The following PCSK4 variants were observed in gnomAD, a reference collection of about 807,000 sequenced individuals.
The protein encoded by PCSK4 is testicular tissue protein Li 135.
Under a neutral mutation model 80.3 loss-of-function variants are expected in PCSK4, and 64 were observed. That is an observed-to-expected ratio of 0.80 (90% confidence interval 0.65 to 0.98). The LOEUF (loss-of-function observed/expected upper bound fraction) is 0.98, where lower values mean the gene tolerates loss of function less well. Ranked by LOEUF, PCSK4 falls within the 50% of genes least tolerant of loss-of-function variation. The pLI, the probability that PCSK4 is intolerant of heterozygous loss-of-function variation, is 0.00. For synonymous variants in PCSK4, 561 were observed against 487.6 expected (o/e 1.15, Z -1.98); for missense variants, 1,213 against 1,093.6 (o/e 1.11, Z -1.54).
In PCSK4 at chr19:1,489,917, G is replaced by A. The variant is rs768337184; in HGVS notation, c.190-20C>T. The A allele has an allele frequency of 1.9e-6, 3 of 1,589,134 alleles. No individual in the cohort carries two copies. The highest frequency in any genetic ancestry group is 1.3e-5 in the African/African-American group (1 of 74,348). The stretch of plus-strand genomic sequence containing the variant: ...GAAGATCTGGGGATGTGGGGAAGCG[G>A]CCGCACCGATGGGACCCGGCTCCCC... On this transcript the variant is annotated intron_variant, in intron 1 of 14. Transcript: ENST00000300954.
In PCSK4 at chr19:1,486,846, C is replaced by T. The variant is rs774337180; in HGVS notation, c.1068+7G>A. 3.1e-6 allele frequency: 5 copies of T among 1,591,898 alleles called. No homozygotes were observed. Among genetic ancestry groups the T allele is most frequent in the Non-Finnish European group, 4.3e-6 (5 of 1,176,348 alleles). On this transcript the variant is annotated splice_region_variant and intron_variant, in intron 8 of 14. Transcript: ENST00000300954. ...GGAGGGGACCCTGTTGGGGCGGCTG[C>T]ACTCACGATCTGGGGGTCGGTGGCC...
intron 8 of PCSK4, among the ~76,000 whole-genome samples, chr19:1,484,434 C>T (rs117696321): frequency 0.012 from 1,796 of 151,628 alleles, 11 homozygotes; most frequent in East Asian, 0.051. Flanking sequence ...TTGCAGTGAG[C>T]GGAGATCACA....
At chr19:1,482,236 G>C (rs1001874630) in intron 14 of PCSK4, 29 bp from the exon 15 acceptor site, 14 of 1,523,410 alleles carry the variant, frequency 9.2e-6, no homozygotes, top group Non-Finnish European at 1.2e-5. Flanking sequence ...GCAAAGGCCC[G>C]TCAGCTTGCC....
chr19:1,481,650 C>T (rs1486813705), exon 15 of PCSK4: 15 of 676,442 alleles, frequency 2.2e-5, no homozygotes, highest in Admixed American at 3.1e-5. Context: ...GCAGGCCAGG[C>T]GTCGGGTGCT....
chr19:1,483,634 CG>C lies in PCSK4; in HGVS notation c.1391+15del. 1 of 1,556,124 alleles carries C rather than the reference CG, an allele frequency of 6.4e-7. No individual in the cohort carries two copies. Among genetic ancestry groups the C allele is most frequent in the South Asian group, 1.2e-5 (1 of 86,482 alleles). The stretch of plus-strand genomic sequence containing the variant: ...ACCCCCAGCGGGGATAGCGGAGGGG[CG>C]CGCAGGGGTCTCACGTGGGGCGGCT... On this transcript the variant is annotated intron_variant, in intron 11 of 14. Coordinates refer to ENST00000300954, the Ensembl canonical transcript of PCSK4.
chr19:1,487,616 G>A lies in PCSK4; in HGVS notation c.669C>T (p.Asn223=), dbSNP rs767064291. 53 of 1,551,980 alleles carry A rather than the reference G, an allele frequency of 3.4e-5. No individual in the cohort carries two copies. In the Middle Eastern group the frequency reaches 6.7e-4, roughly 20 times the overall value. Reference sequence around the variant, plus strand: ...GACCCCGGGTACCTCCGATTCGGGCGTTGAAAGCGACCCCCACACCACAGA... The same window carrying A: ...GACCCCGGGTACCTCCGATTCGGGCATTGAAAGCGACCCCCACACCACAGA... The change falls in exon 6 of 15, where the codon AAC becomes AAT. Residue 223 remains asparagine, a synonymous_variant. Coordinates refer to ENST00000300954, the Ensembl canonical transcript of PCSK4.
At chr19:1,489,937 C>T in intron 1 of PCSK4, 40 bp from the exon 2 acceptor site, 1 of 1,568,644 alleles carries the variant, frequency 6.4e-7, no homozygotes, top group Admixed American at 1.9e-5. Flanking sequence ...TGGGACCCGG[C>T]TCCCCTGCTG....
chr19:1,482,797 A>T, intron 13 of PCSK4, 99 bp downstream of exon 13: 6 of 1,312,176 alleles, frequency 4.6e-6, no homozygotes, highest in Non-Finnish European at 5.4e-6. Context: ...GGCCACTGGG[A>T]ACCCCTTTTG....
At chr19:1,487,113 C>A (rs373488403) in intron 7 of PCSK4, 28 bp downstream of exon 7, 1 of 1,602,250 alleles carries the variant, frequency 6.2e-7, no homozygotes, top group Non-Finnish European at 8.5e-7. Flanking sequence ...TGGCCTGCCA[C>A]CCCTGCCCTC....
At chr19:1,487,667 C>G in exon 6 of PCSK4, 1 of 1,555,380 alleles carries the variant, frequency 6.4e-7, no homozygotes, top group Non-Finnish European at 8.7e-7. Flanking sequence ...TCGCGGCCAC[C>G]TCCCCAGCAC....
exon 6 of PCSK4, chr19:1,487,637 A>G (rs1004519408): frequency 5.1e-6 from 8 of 1,553,988 alleles, no homozygotes; most frequent in Non-Finnish European, 7.0e-6. Flanking sequence ...CCCCCACACC[A>G]CAGAAGCCAT....
At chr19:1,484,774 T>C (rs142681305) in intron 8 of PCSK4, among the ~76,000 whole-genome samples, 2,346 of 144,680 alleles carry the variant, frequency 0.016, 27 homozygotes, top group Non-Finnish European at 0.023. Context: ...GATCACACCG[T>C]TGCACTCCAG....
chr19:1,486,421 C>T (rs916136184), intron 8 of PCSK4, among the ~76,000 whole-genome samples: 2 of 150,150 alleles, frequency 1.3e-5, no homozygotes, highest in African/African-American at 4.9e-5. Context: ...CTCAGCCTCC[C>T]GAGTAGCTGG....
At chr19:1,485,647 G>C (rs911075789) in intron 8 of PCSK4, among the ~76,000 whole-genome samples, 1 of 151,724 alleles carries the variant, frequency 6.6e-6, no homozygotes, top group Non-Finnish European at 1.5e-5. Context: ...CGAGGTGGGC[G>C]GATCACGAGG....
rs779507282 is a variant in PCSK4, at chr19:1,490,143, C to G, written c.189+15G>C. 1.9e-6 allele frequency: 3 copies of G among 1,613,270 alleles called. No individual in the cohort carries two copies. Among genetic ancestry groups the G allele is most frequent in the Non-Finnish European group, 1.7e-6 (2 of 1,179,832 alleles). On this transcript the variant is annotated intron_variant, in intron 1 of 14. Transcript: ENST00000300954. ...CTCCAAGCCCCCACTTCCCGTCTAT[C>G]CCGGTCCCACCCACCGGCCCCAGGT...
At chr19:1,487,543 G>A (rs980027161) in intron 6 of PCSK4, 60 bp downstream of exon 6, 11 of 1,424,674 alleles carry the variant, frequency 7.7e-6, no homozygotes, top group South Asian at 2.5e-5. Context: ...CCAGCTCCCC[G>A]CCAGAGTCAC....
At chr19:1,489,601 G>A (rs1407234116) in intron 2 of PCSK4, 192 bp downstream of exon 2, 1 of 1,024,278 alleles carries the variant, frequency 9.8e-7, no homozygotes, top group Non-Finnish European at 1.4e-6. Flanking sequence ...ACCAGGCCCT[G>A]GCAGGCGCCA....
chr19:1,488,260 C>T (rs757215642), exon 3 of PCSK4: 1 of 1,613,190 alleles, frequency 6.2e-7, no homozygotes, highest in African/African-American at 1.3e-5. Context: ...GCTGCAGCGT[C>T]TGCTGCTGGA....
exon 11 of PCSK4, chr19:1,483,759 G>C (rs748587218): frequency 6.3e-7 from 1 of 1,588,320 alleles, no homozygotes; most frequent in Admixed American, 1.7e-5. Context: ...TATCCGTAGT[G>C]ATGGCTCACT....
Sources: allele counts gnomAD v4.1 joint callset (sites outside exome capture counted in the v4.1 genomes callset), GRCh38; gene constraint gnomAD v4.1.1; transcripts MANE v1.5; gene names NCBI Gene and HGNC (gene_info 2026-07-23, HGNC 2026-07-21).